SLC9C1: variants seen among roughly 807,000 people sequenced by gnomAD.
The protein encoded by SLC9C1 is solute carrier family 9 member C1, also known as sodium/hydrogen exchanger 10.
Under a neutral mutation model 140.9 loss-of-function variants are expected in SLC9C1, and 97 were observed. The observed-to-expected ratio is 0.69, with a 90% confidence interval of 0.58 to 0.82. The LOEUF (loss-of-function observed/expected upper bound fraction) is 0.82. Ranked by LOEUF, SLC9C1 falls within the 40% of genes least tolerant of loss-of-function variation. The pLI is 0.00. For synonymous variants in SLC9C1, 440 were observed against 442.6 expected, an observed-to-expected ratio of 0.99 and a Z score of 0.07; for missense variants, 1,340 against 1,389.3, an observed-to-expected ratio of 0.96 and a Z score of 0.56.
At chr3:112,221,070 G>T in intron 14 of SLC9C1, 58 bp downstream of exon 14, 1 of 1,410,112 alleles carries the variant, frequency 7.1e-7, no homozygotes, top group Non-Finnish European at 9.9e-7. Flanking sequence ...AACTCACTTG[G>T]GTAATTTCCT....
chr3:112,217,404 A>C (rs766903197), intron 15 of SLC9C1, 38 bp downstream of exon 15: 1 of 1,544,576 alleles, frequency 6.5e-7, no homozygotes, highest in Non-Finnish European at 8.7e-7. Context: ...TTTCAAGTGA[A>C]TATAATAGCA....
In SLC9C1 at chr3:112,199,368, C is replaced by T. The variant is rs28516377; in HGVS notation, c.2476G>A (p.Gly826Ser). 449,466 of 1,587,392 alleles carry T rather than the reference C, an allele frequency of 0.28. 65,519 individuals carry two copies. Among genetic ancestry groups the T allele is most frequent in the Admixed American group, 0.37 (21,226 of 56,658 alleles). Reference protein sequence around the residue: ...NMATEILKAFGLKGIISKTEG... With the variant: ...NMATEILKAFSLKGIISKTEG... ...GTTTTACTAATAATTCCTTTTAAGC[C>T]AAAAGCCTTAAGAATTTCTGTAGCC... The change falls in exon 20 of 29, where the codon GGC (glycine) becomes AGC (serine). Residue 826 changes from glycine to serine, a missense_variant. Coordinates refer to ENST00000305815, the MANE Select transcript of SLC9C1 (RefSeq NM_183061.3).
At chr3:112,265,761 T>C (rs1030731043) in intron 8 of SLC9C1, among the ~76,000 whole-genome samples, 16 of 152,270 alleles carry the variant, frequency 1.1e-4, no homozygotes, top group African/African-American at 3.8e-4. Context: ...ATAACACTGC[T>C]AATCCTCTTC....
chr3:112,160,127 G>A (rs1037050077), intron 26 of SLC9C1, among the ~76,000 whole-genome samples: 2 of 151,182 alleles, frequency 1.3e-5, no homozygotes, highest in Non-Finnish European at 3.0e-5. Flanking sequence ...TAGTTGTTTT[G>A]TAACTATTCT....
chr3:112,220,708 C>T (rs2078517231), intron 14 of SLC9C1, among the ~76,000 whole-genome samples: 1 of 152,128 alleles, frequency 6.6e-6, no homozygotes, highest in Non-Finnish European at 1.5e-5. Context: ...CAAATGCATG[C>T]TGAGTATTAA....
At chr3:112,177,780 A>C (rs1426606738) in intron 23 of SLC9C1, among the ~76,000 whole-genome samples, 1 of 150,182 alleles carries the variant, frequency 6.7e-6, no homozygotes, top group East Asian at 2.0e-4. Flanking sequence ...TATTTTATTA[A>C]GTTTTAGGGT....
chr3:112,252,821 T>C (rs1467365314), intron 10 of SLC9C1, among the ~76,000 whole-genome samples: 1 of 151,948 alleles, frequency 6.6e-6, no homozygotes, highest in Non-Finnish European at 1.5e-5. Context: ...TTTAAGTGGG[T>C]CCATGATCCC....
At chr3:112,251,327 G>T (rs2079451020) in intron 10 of SLC9C1, among the ~76,000 whole-genome samples, 1 of 152,066 alleles carries the variant, frequency 6.6e-6, no homozygotes, top group South Asian at 2.1e-4. Flanking sequence ...ACTGATTCCG[G>T]GCACCCATTC....
intron 15 of SLC9C1, among the ~76,000 whole-genome samples, chr3:112,214,806 C>T (rs1455825651): frequency 2.0e-5 from 3 of 152,186 alleles, no homozygotes; most frequent in Non-Finnish European, 2.9e-5. Flanking sequence ...ACCATTCCTT[C>T]GGAGACTATT....
rs746712101 is a variant in SLC9C1, at chr3:112,180,674, C to T, written c.2650-12G>A. On this transcript the variant is annotated splice_polypyrimidine_tract_variant and intron_variant, in intron 21 of 28. Transcript: ENST00000305815. ...ACTTTGGCTTTTTCCTAAAAGATAC[C>T]ACCAAATACATAAACTATAAACAAC... 4 of 1,567,212 alleles carry T rather than the reference C, an allele frequency of 2.6e-6. No homozygotes were observed. The South Asian group carries it at 4.5e-5, about 18-fold the overall frequency.
chr3:112,286,838 T>C lies in SLC9C1; in HGVS notation c.-47A>G, dbSNP rs1302919812. 1 of 1,334,016 alleles carries C rather than the reference T, an allele frequency of 7.5e-7. No individual in the cohort carries two copies. The highest frequency in any genetic ancestry group is 1.1e-6 in the Non-Finnish European group (1 of 942,046). The allele number at this position is 1,334,016 out of a possible 1,614,324, so 82.6% of individuals were successfully genotyped here. A position where few individuals can be genotyped will look rare whatever the true frequency, so the allele number is the denominator to read the frequency against. On this transcript the variant is annotated 5_prime_UTR_variant, in exon 2 of 29. In the 5' UTR this introduces an upstream ATG that the reference lacks. Transcript: ENST00000305815. ...AGATTTATGTTAGAAGCAATCTCCATATGATCATCCATCTTGTTGTTTTTC... is the reference window on the plus strand; with the variant it reads ...AGATTTATGTTAGAAGCAATCTCCACATGATCATCCATCTTGTTGTTTTTC...
chr3:112,219,752 T>G (rs975627104), intron 14 of SLC9C1, among the ~76,000 whole-genome samples: 1 of 152,050 alleles, frequency 6.6e-6, no homozygotes, highest in South Asian at 2.1e-4. Flanking sequence ...CTAATTTTTT[T>G]GTATTTTTAG....
chr3:112,150,813 TACATATACATATATATATATATA>T (rs1560003392), intron 28 of SLC9C1, among the ~76,000 whole-genome samples: 22 of 37,826 alleles, frequency 5.8e-4, no homozygotes, highest in African/African-American at 2.5e-3. Context: ...TATATATAAA[TACATATACATATATATATATATA>T]TATATTTTTT....
intron 16 of SLC9C1, among the ~76,000 whole-genome samples, chr3:112,207,706 A>G (rs7621219): frequency 6.6e-6 from 1 of 151,916 alleles, no homozygotes; most frequent in Non-Finnish European, 1.5e-5. Flanking sequence ...AGACATTATT[A>G]AAAATTCAAC....
intron 20 of SLC9C1, chr3:112,185,481 T>G: frequency 1.9e-6 from 3 of 1,610,228 alleles, no homozygotes; most frequent in Non-Finnish European, 1.7e-6. Flanking sequence ...GGCGCAGAGT[T>G]ACACCTGGCT....
At chr3:112,238,710 G>T (rs1237669839) in intron 12 of SLC9C1, among the ~76,000 whole-genome samples, 2 of 152,192 alleles carry the variant, frequency 1.3e-5, no homozygotes, top group Admixed American at 6.5e-5. Flanking sequence ...GCTGGAGTTT[G>T]CTGGAGGTCC....
In SLC9C1 at chr3:112,239,866, C is replaced by T. The variant is rs1461907316; in HGVS notation, c.1420G>A (p.Ala474Thr). The T allele has an allele frequency of 6.2e-7, 1 of 1,612,024 alleles. No individual in the cohort carries two copies. The change falls in exon 12 of 29, where the codon GCA becomes ACA. Residue 474 changes from alanine to threonine, a missense_variant. Transcript: ENST00000305815. ...ATGTATGGGTTTTCAAGTGTAATTG[C>T]TTTCTCAATCATGTTCCAATCAGCA... is the stretch of plus-strand genomic sequence containing the variant. The part of the protein sequence containing the change: ...ANADWNMIEK[A>T]ITLENPYMLN...
intron 25 of SLC9C1, 34 bp downstream of exon 25, chr3:112,168,843 A>G (rs1165602888): frequency 1.3e-6 from 2 of 1,519,100 alleles, no homozygotes; most frequent in Non-Finnish European, 1.8e-6. Flanking sequence ...CATATGGCAT[A>G]TTGATCTGAA....
chr3:112,224,242 T>A (rs2078619335), intron 13 of SLC9C1, among the ~76,000 whole-genome samples: 1 of 152,154 alleles, frequency 6.6e-6, no homozygotes, highest in African/African-American at 2.4e-5. Context: ...GTATTGAGGC[T>A]ATGCTATTGT....
Sources: gnomAD v4.1 joint callset for allele counts (sites outside exome capture counted in the v4.1 genomes callset) on GRCh38, gnomAD v4.1.1 for gene constraint, MANE v1.5 for transcripts, NCBI Gene and HGNC (gene_info 2026-07-23, HGNC 2026-07-21) for gene names.